RNLS: variants seen among roughly 807,000 people sequenced by gnomAD.
RNLS encodes the protein renalase, FAD dependent amine oxidase, also known as renalase.
A neutral mutation model predicts 39.8 loss-of-function variants in RNLS; 39 were observed. The ratio of observed to expected loss-of-function variants is 0.98; its 90% confidence interval spans 0.76 to 1.28. RNLS has a LOEUF of 1.28. RNLS is among the 50% of genes most tolerant of loss of function. The probability of loss-of-function intolerance (pLI) is 0.00; values close to 1 mark genes in which losing one functional copy is unlikely to be tolerated. For synonymous variants in RNLS, 147 were observed against 150.7 expected, an observed-to-expected ratio of 0.98 and a Z score of 0.18; for missense variants, 410 against 413.3, an observed-to-expected ratio of 0.99 and a Z score of 0.07.
chr10:88,522,099 C>T (rs1235960551), intron 4 of RNLS, among the ~76,000 whole-genome samples: 2 of 152,036 alleles, frequency 1.3e-5, no homozygotes, highest in Non-Finnish European at 2.9e-5. Context: ...TTCCATGGTT[C>T]ATTACTACAG....
chr10:88,318,840 T>A (rs1845960480), intron 5 of RNLS, among the ~76,000 whole-genome samples: 1 of 152,164 alleles, frequency 6.6e-6, no homozygotes, highest in Non-Finnish European at 1.5e-5. Context: ...GAGGAGCTGG[T>A]GCACTTCCCC....
intron 4 of RNLS, among the ~76,000 whole-genome samples, chr10:88,529,156 C>T (rs1368002509): frequency 6.6e-6 from 1 of 152,136 alleles, no homozygotes; most frequent in East Asian, 1.9e-4. Flanking sequence ...TCCTCCCACT[C>T]CTCAGTCCTC....
At chr10:88,369,127 T>G (rs891070609) in intron 4 of RNLS, among the ~76,000 whole-genome samples, 4 of 152,214 alleles carry the variant, frequency 2.6e-5, no homozygotes, top group African/African-American at 9.6e-5. Context: ...CTAAATTTAT[T>G]GTATATTATA....
chr10:88,477,199 C>T (rs1000905885), intron 4 of RNLS, among the ~76,000 whole-genome samples: 1 of 152,006 alleles, frequency 6.6e-6, no homozygotes, highest in African/African-American at 2.4e-5. Flanking sequence ...AATAACCATT[C>T]AAAGACTGTT....
chr10:88,461,772 G>A (rs1389593256), intron 4 of RNLS, among the ~76,000 whole-genome samples: 1 of 151,952 alleles, frequency 6.6e-6, no homozygotes, highest in Non-Finnish European at 1.5e-5. Flanking sequence ...GAGATAAAAG[G>A]GTCCCAACTC....
At chr10:88,429,099 T>C (rs1364565361) in intron 4 of RNLS, among the ~76,000 whole-genome samples, 1 of 151,908 alleles carries the variant, frequency 6.6e-6, no homozygotes, top group African/African-American at 2.4e-5. Flanking sequence ...CAATTCACCA[T>C]TCTGTAAAGA....
chr10:88,185,304 T>C, the RNLS span, among the ~76,000 whole-genome samples: 1 of 152,190 alleles, frequency 6.6e-6, no homozygotes, highest in Non-Finnish European at 1.5e-5. Flanking sequence ...CTGCTCATTT[T>C]ACCTTTGAAA....
At chr10:88,179,142 A>C in the RNLS span, among the ~76,000 whole-genome samples, 4 of 152,374 alleles carry the variant, frequency 2.6e-5, no homozygotes, top group South Asian at 8.3e-4. Flanking sequence ...GAATGTTAAA[A>C]GTGCAGTAGA....
chr10:88,476,280 T>C (rs1389029920), intron 4 of RNLS, among the ~76,000 whole-genome samples: 1 of 152,300 alleles, frequency 6.6e-6, no homozygotes, highest in East Asian at 1.9e-4. Flanking sequence ...AATGCATTGA[T>C]GACTTAGATT....
chr10:88,215,303 C>T, the RNLS span, among the ~76,000 whole-genome samples: 1 of 152,080 alleles, frequency 6.6e-6, no homozygotes, highest in African/African-American at 2.4e-5. Flanking sequence ...TGGTTCCATT[C>T]CTGGGTGAGG....
At chr10:88,380,626 C>T (rs1017459885) in intron 4 of RNLS, among the ~76,000 whole-genome samples, 6 of 151,854 alleles carry the variant, frequency 4.0e-5, no homozygotes, top group African/African-American at 1.5e-4. Flanking sequence ...CCTCGTGATC[C>T]GCCAGCCTCG....
At chr10:88,506,087 C>T (rs1201938370) in intron 4 of RNLS, among the ~76,000 whole-genome samples, 1 of 152,002 alleles carries the variant, frequency 6.6e-6, no homozygotes, top group Non-Finnish European at 1.5e-5. Flanking sequence ...GTTTGAGAAC[C>T]ACTGGTTTAA....
At chr10:88,335,256 T>C (rs1847400652) in intron 5 of RNLS, among the ~76,000 whole-genome samples, 1 of 151,876 alleles carries the variant, frequency 6.6e-6, no homozygotes, top group Admixed American at 6.6e-5. Context: ...CTTGCTCTAT[T>C]ACCCAGGCTG....
intron 4 of RNLS, among the ~76,000 whole-genome samples, chr10:88,431,582 C>T (rs1352103822): frequency 6.6e-6 from 1 of 151,442 alleles, no homozygotes; most frequent in Non-Finnish European, 1.5e-5. Context: ...GATTTGAGAC[C>T]TTTCTTCTTT....
At chr10:88,365,763 A>G (rs955338167) in intron 4 of RNLS, among the ~76,000 whole-genome samples, 1 of 151,812 alleles carries the variant, frequency 6.6e-6, no homozygotes, top group African/African-American at 2.4e-5. Flanking sequence ...GGTTTGTGGG[A>G]GGTGAAGAGC....
At chr10:88,301,629 A>T (rs766991163) in intron 6 of RNLS, among the ~76,000 whole-genome samples, 1 of 152,220 alleles carries the variant, frequency 6.6e-6, no homozygotes, top group Non-Finnish European at 1.5e-5. Context: ...GAAGCTGGAA[A>T]ATCTTTAAGC....
intron 4 of RNLS, among the ~76,000 whole-genome samples, chr10:88,512,307 C>G (rs1846167228): frequency 6.6e-6 from 1 of 152,138 alleles, no homozygotes; most frequent in East Asian, 1.9e-4. Context: ...ACAATTCTTT[C>G]TAAAGTAAAT....
intron 4 of RNLS, among the ~76,000 whole-genome samples, chr10:88,402,420 T>G (rs941643079): frequency 6.6e-6 from 1 of 150,654 alleles, no homozygotes; most frequent in African/African-American, 2.4e-5. Flanking sequence ...AAAGAGTGTA[T>G]CATGTCTCTG....
intron 4 of RNLS, among the ~76,000 whole-genome samples, chr10:88,475,740 G>A (rs1376864698): frequency 6.6e-6 from 1 of 152,042 alleles, no homozygotes; most frequent in Non-Finnish European, 1.5e-5. Flanking sequence ...GTGTCTTCTT[G>A]AGCATTTGGT....
Sources: allele counts gnomAD v4.1 joint callset (sites outside exome capture counted in the v4.1 genomes callset), GRCh38; gene constraint gnomAD v4.1.1; transcripts MANE v1.5; gene names NCBI Gene and HGNC (gene_info 2026-07-23, HGNC 2026-07-21).